MALRD1: variants seen among roughly 807,000 people sequenced by gnomAD.
The protein encoded by MALRD1 is MAM and LDL receptor class A domain containing 1.
Under a neutral mutation model 242.1 loss-of-function variants are expected in MALRD1, and 247 were observed. That is an observed-to-expected ratio of 1.02 (90% CI 0.92 to 1.13). The LOEUF (loss-of-function observed/expected upper bound fraction) is 1.13. MALRD1 is among the 50% of genes most tolerant of loss of function. The probability of loss-of-function intolerance (pLI) is 0.00; values close to 1 mark genes in which losing one functional copy is unlikely to be tolerated. For missense variants in MALRD1, 2,989 were observed against 2,533.1 expected, an observed-to-expected ratio of 1.18 and a Z score of -3.86; for synonymous variants, 995 against 866.6, an observed-to-expected ratio of 1.15 and a Z score of -2.60.
intron 21 of MALRD1, among the ~76,000 whole-genome samples, chr10:19,293,290 T>A (rs1206931395): frequency 6.7e-6 from 1 of 149,138 alleles, no homozygotes; most frequent in Admixed American, 6.7e-5. Context: ...ATATATTTTT[T>A]TGCCAAGACA....
At chr10:19,730,519 G>GT (rs1264062105) in intron 38 of MALRD1, 187 bp from the exon 39 acceptor site, 1 of 661,916 alleles carries the variant, frequency 1.5e-6, no homozygotes, top group Non-Finnish European at 2.7e-6. Flanking sequence ...CCTGAATGTG[G>GT]TTGCCTTGGT....
In MALRD1 at chr10:19,356,047, G is replaced by T. The variant is rs531032116; in HGVS notation, c.4441+3750G>T. ...TTTATATGTGTAAATTGTTGAATTG[G>T]TTGGATGAATGAGCTCTAATGAGGT... On this transcript the variant is annotated intron_variant, in intron 26 of 39. Coordinates refer to ENST00000454679, the MANE Select transcript of MALRD1 (RefSeq NM_001142308.3). Among the ~76,000 whole-genome samples the T allele has an allele frequency of 2.0e-5, 3 of 151,310 alleles. No individual in the cohort carries two copies. The East Asian group carries it at 5.8e-4, about 29-fold the overall frequency.
chr10:19,181,098 T>C (rs1347556275), intron 14 of MALRD1, among the ~76,000 whole-genome samples: 1 of 152,118 alleles, frequency 6.6e-6, no homozygotes, highest in Non-Finnish European at 1.5e-5. Context: ...AAAAGAGTAC[T>C]CATACTGTTG....
At chr10:19,204,537 A>G (rs1836704066) in intron 16 of MALRD1, 124 bp downstream of exon 16, 4 of 648,088 alleles carry the variant, frequency 6.2e-6, no homozygotes, top group Non-Finnish European at 1.0e-5. Flanking sequence ...TAAAAATAGT[A>G]TTGCATTAAA....
chr10:19,696,142 A>C (rs1025445304), intron 38 of MALRD1, among the ~76,000 whole-genome samples: 2 of 152,148 alleles, frequency 1.3e-5, no homozygotes, highest in Admixed American at 6.5e-5. Flanking sequence ...CTGCATCTGC[A>C]TGAAGGAACT....
At chr10:19,616,936 A>G (rs1017949826) in intron 36 of MALRD1, among the ~76,000 whole-genome samples, 1 of 151,974 alleles carries the variant, frequency 6.6e-6, no homozygotes, top group African/African-American at 2.4e-5. Flanking sequence ...TACTTTCCCC[A>G]TATCAGTTTC....
At chr10:19,461,686 A>AT (rs1835953725) in intron 29 of MALRD1, among the ~76,000 whole-genome samples, 1 of 150,718 alleles carries the variant, frequency 6.6e-6, no homozygotes, top group African/African-American at 2.4e-5. Flanking sequence ...TCTACAAAAA[A>AT]TTTTAAAAAT....
chr10:19,181,636 G>A (rs1054918732), intron 14 of MALRD1, among the ~76,000 whole-genome samples: 39 of 152,072 alleles, frequency 2.6e-4, no homozygotes, highest in African/African-American at 8.7e-4. Context: ...AATGTACAAC[G>A]TGAGGACTAC....
At chr10:19,320,041 CTTTTTTTTTT>C (rs34481531) in intron 21 of MALRD1, among the ~76,000 whole-genome samples, 1 of 73,070 alleles carries the variant, frequency 1.4e-5, no homozygotes, top group Non-Finnish European at 2.4e-5. Context: ...TATAAAACTG[CTTTTTTTTTT>C]TTTTTTTTTT....
Position 19,347,757 on chromosome 10 carries a change from G to T in MALRD1, c.3902-14G>T. 1 of 1,549,004 alleles carries T rather than the reference G, an allele frequency of 6.5e-7. No homozygotes were observed. Among genetic ancestry groups the T allele is most frequent in the Non-Finnish European group, 8.7e-7 (1 of 1,146,218 alleles). ...TTCCATTTTCTGTAACATATATTTG[G>T]AAATATTTTCCAGGTACCTCCAGTG... is the stretch of plus-strand genomic sequence containing the variant. On this transcript the variant is annotated splice_polypyrimidine_tract_variant and intron_variant, in intron 24 of 39. Coordinates refer to ENST00000454679, the MANE Select transcript of MALRD1 (RefSeq NM_001142308.3).
chr10:19,352,097 A>T lies in MALRD1; in HGVS notation c.4241A>T (p.Asn1414Ile), dbSNP rs1036013533. 16 of 1,550,376 alleles carry T rather than the reference A, an allele frequency of 1.0e-5. No individual in the cohort carries two copies. In the African/African-American group the frequency reaches 2.2e-4, roughly 21 times the overall value. ...ACAAACCAAACGAAGGTTCTACTTAACCTCACTGTAGAACAAGGCAATTTC... is the reference window on the plus strand; with the variant it reads ...ACAAACCAAACGAAGGTTCTACTTATCCTCACTGTAGAACAAGGCAATTTC... The part of the protein sequence containing the change: ...SVTNQTKVLL[N>I]LTVEQGNFWR... Residue 1414 changes from asparagine (N) to isoleucine (I), a missense_variant, in exon 26 of 40, where the codon AAC becomes ATC. Physicochemically the swap from Asn to Ile is moderately radical, Grantham distance 149. Coordinates refer to ENST00000454679, the MANE Select transcript of MALRD1 (RefSeq NM_001142308.3).
At chr10:19,646,173 A>G (rs1326914499) in intron 36 of MALRD1, among the ~76,000 whole-genome samples, 2 of 152,150 alleles carry the variant, frequency 1.3e-5, no homozygotes, top group Non-Finnish European at 2.9e-5. Flanking sequence ...TTTCCTTTGC[A>G]GCAGTTCATT....
chr10:19,464,230 T>C (rs1038187839), intron 29 of MALRD1, among the ~76,000 whole-genome samples: 4 of 152,182 alleles, frequency 2.6e-5, no homozygotes, highest in African/African-American at 9.6e-5. Flanking sequence ...CCCACCTGTT[T>C]ATCTTTGTTT....
At chr10:19,224,353 T>A (rs897422641) in intron 18 of MALRD1, among the ~76,000 whole-genome samples, 1 of 151,664 alleles carries the variant, frequency 6.6e-6, no homozygotes, top group African/African-American at 2.4e-5. Flanking sequence ...GTGGCACAAT[T>A]TCGGCTCACT....
chr10:19,262,485 G>T (rs1370476644), intron 19 of MALRD1, among the ~76,000 whole-genome samples: 1 of 151,788 alleles, frequency 6.6e-6, no homozygotes, highest in Non-Finnish European at 1.5e-5. Flanking sequence ...GTGAAACGTG[G>T]TCTATACTAA....
At position 19,074,624 on chromosome 10, in the gene MALRD1, TCAA is replaced by T. The variant is rs1489112536; in HGVS notation, c.340+7769_340+7771del. Among the ~76,000 whole-genome samples, 4 of 146,060 alleles carry T rather than the reference TCAA, an allele frequency of 2.7e-5. No individual in the cohort carries two copies. The Admixed American group carries it at 2.8e-4, about 10-fold the overall frequency. On this transcript the variant is annotated intron_variant, in intron 2 of 39. Coordinates refer to ENST00000454679, the MANE Select transcript of MALRD1 (RefSeq NM_001142308.3). ...ACTTATTTGAATTAACTGATAGATA[TCAA>T]CAAAATTTTGCAATGGAATATTAAT...
At chr10:19,370,639 G>A (rs1262897787) in intron 26 of MALRD1, among the ~76,000 whole-genome samples, 1 of 152,098 alleles carries the variant, frequency 6.6e-6, no homozygotes, top group Non-Finnish European at 1.5e-5. Flanking sequence ...CTGCAGTGGT[G>A]TAAACTCAGT....
At chr10:19,389,361 T>A in intron 27 of MALRD1, 91 bp from the exon 28 acceptor site, 1 of 1,330,606 alleles carries the variant, frequency 7.5e-7, no homozygotes, top group Non-Finnish European at 1.1e-6. Context: ...ATCATACGAA[T>A]TGTAATTAAA....
At chr10:19,185,459 C>T (rs1221838619) in intron 14 of MALRD1, among the ~76,000 whole-genome samples, 1 of 151,470 alleles carries the variant, frequency 6.6e-6, no homozygotes, top group Non-Finnish European at 1.5e-5. Flanking sequence ...TAGTTGAATT[C>T]AATGAAACCT....
Sources: gnomAD v4.1 joint callset for allele counts (sites outside exome capture counted in the v4.1 genomes callset) on GRCh38, gnomAD v4.1.1 for gene constraint, MANE v1.5 for transcripts, NCBI Gene and HGNC (gene_info 2026-07-23, HGNC 2026-07-21) for gene names.